Variants in PARD3B observed in about 807,000 individuals in gnomAD.
The protein encoded by PARD3B is par-3 family cell polarity regulator beta.
Under a neutral mutation model 130.2 loss-of-function variants are expected in PARD3B, and 103 were observed. That is an observed-to-expected ratio of 0.79 (90% CI 0.67 to 0.93). The LOEUF (loss-of-function observed/expected upper bound fraction) is 0.93, where lower values mean the gene tolerates loss of function less well. PARD3B is among the 40% of genes least tolerant of loss of function. The probability of loss-of-function intolerance (pLI) is 0.00; values close to 1 mark genes in which losing one functional copy is unlikely to be tolerated. For missense variants in PARD3B, 1,609 were observed against 1,499.2 expected (o/e 1.07, Z -1.21); for synonymous variants, 583 against 553.2 (o/e 1.05, Z -0.76).
At chr2:204,866,584 A>T (rs924073606) in intron 2 of PARD3B, among the ~76,000 whole-genome samples, 3 of 152,132 alleles carry the variant, frequency 2.0e-5, no homozygotes, top group African/African-American at 7.2e-5. Flanking sequence ...CAACAAAAAA[A>T]TACAGTCAAA....
chr2:204,901,067 G>A (rs909639968), intron 2 of PARD3B, among the ~76,000 whole-genome samples: 5 of 152,022 alleles, frequency 3.3e-5, no homozygotes, highest in African/African-American at 1.2e-4. Context: ...CTGGGACTGC[G>A]CTGGGTCTTG....
At chr2:204,622,925 T>C (rs1236571291) in intron 1 of PARD3B, among the ~76,000 whole-genome samples, 1 of 152,170 alleles carries the variant, frequency 6.6e-6, no homozygotes, top group Non-Finnish European at 1.5e-5. Flanking sequence ...ATAAGTTCTG[T>C]TAAAGTAAGT....
intron 2 of PARD3B, among the ~76,000 whole-genome samples, chr2:204,771,857 T>C (rs2041401794): frequency 6.6e-6 from 1 of 152,004 alleles, no homozygotes; most frequent in African/African-American, 2.4e-5. Context: ...ACTTTAAAAA[T>C]TATTGATCAC....
chr2:204,903,766 C>T (rs1047656646), intron 2 of PARD3B, among the ~76,000 whole-genome samples: 1 of 152,004 alleles, frequency 6.6e-6, no homozygotes, highest in Admixed American at 6.5e-5. Flanking sequence ...TTTATTTTTG[C>T]CTCTAACTAT....
chr2:204,663,913 T>C (rs1425311544), intron 1 of PARD3B, among the ~76,000 whole-genome samples: 1 of 152,258 alleles, frequency 6.6e-6, no homozygotes, highest in African/African-American at 2.4e-5. Context: ...GTTTTTGGCA[T>C]GTGTGCATTC....
At chr2:204,808,883 T>G (rs2042866306) in intron 2 of PARD3B, among the ~76,000 whole-genome samples, 1 of 152,014 alleles carries the variant, frequency 6.6e-6, no homozygotes, top group Non-Finnish European at 1.5e-5. Context: ...GCAGTTGTGT[T>G]TTTAGATTTT....
At chr2:205,204,050 C>T (rs1480239753) in intron 15 of PARD3B, among the ~76,000 whole-genome samples, 2 of 152,224 alleles carry the variant, frequency 1.3e-5, no homozygotes, top group African/African-American at 2.4e-5. Flanking sequence ...AATGGCTGAA[C>T]TAATTTATAC....
chr2:205,529,052 A>G (rs995377567), intron 21 of PARD3B, among the ~76,000 whole-genome samples: 4 of 152,186 alleles, frequency 2.6e-5, no homozygotes, highest in Admixed American at 2.6e-4. Flanking sequence ...AACTTCCAAC[A>G]TATTTTAATG....
At chr2:205,435,003 G>A (rs575609507) in intron 19 of PARD3B, among the ~76,000 whole-genome samples, 184 of 152,074 alleles carry the variant, frequency 1.2e-3, no homozygotes, top group African/African-American at 3.9e-3. Context: ...TCAAACTTTA[G>A]CATTATGCAG....
intron 18 of PARD3B, among the ~76,000 whole-genome samples, chr2:205,360,950 C>T (rs1483785498): frequency 6.6e-6 from 1 of 152,044 alleles, no homozygotes; most frequent in African/African-American, 2.4e-5. Flanking sequence ...TGATAGTTCT[C>T]CCTTTCTAAT....
intron 2 of PARD3B, among the ~76,000 whole-genome samples, chr2:204,928,433 G>T (rs1193073058): frequency 6.6e-6 from 1 of 152,124 alleles, no homozygotes; most frequent in Non-Finnish European, 1.5e-5. Flanking sequence ...CCATTGCAAA[G>T]GGAAAGACTA....
At chr2:205,199,934 T>G (rs73059269) in intron 15 of PARD3B, among the ~76,000 whole-genome samples, 481 of 151,674 alleles carry the variant, frequency 3.2e-3, no homozygotes, top group African/African-American at 0.011. Context: ...CAACTGGTAA[T>G]CTCAATGCTG....
intron 21 of PARD3B, among the ~76,000 whole-genome samples, chr2:205,513,715 C>G (rs925570192): frequency 6.6e-6 from 1 of 152,046 alleles, no homozygotes; most frequent in African/African-American, 2.4e-5. Flanking sequence ...CAGTGGCAAC[C>G]TTTTGCCAGA....
intron 1 of PARD3B, among the ~76,000 whole-genome samples, chr2:204,637,599 T>TA (rs549614042): frequency 1.4e-4 from 21 of 152,360 alleles, no homozygotes; most frequent in South Asian, 1.2e-3. Flanking sequence ...ATTATTTCTT[T>TA]AAAATCCCAG....
chr2:205,380,362 A>C (rs1210632717), intron 18 of PARD3B, among the ~76,000 whole-genome samples: 2 of 26,552 alleles, frequency 7.5e-5, no homozygotes, highest in African/African-American at 3.3e-4. Context: ...ATAATATATA[A>C]AGAATATATA....
chr2:204,660,521 A>G (rs1200537675), intron 1 of PARD3B, among the ~76,000 whole-genome samples: 2 of 152,188 alleles, frequency 1.3e-5, no homozygotes, highest in East Asian at 3.9e-4. Flanking sequence ...AGTTGCTAAT[A>G]TACTGTTCTG....
At chr2:204,782,515 T>G (rs1410818806) in intron 2 of PARD3B, among the ~76,000 whole-genome samples, 1 of 150,126 alleles carries the variant, frequency 6.7e-6, no homozygotes, top group African/African-American at 2.4e-5. Context: ...TTATATAGTA[T>G]GTATGTAATC....
intron 18 of PARD3B, among the ~76,000 whole-genome samples, chr2:205,391,207 G>A (rs1000907120): frequency 1.6e-4 from 25 of 152,328 alleles, no homozygotes; most frequent in African/African-American, 7.2e-5. Flanking sequence ...TCGGGTTTCC[G>A]GGGCAAAGGA....
At chr2:204,998,510 A>AATATATGTATATATATGTGTATATG (rs56069399) in intron 3 of PARD3B, among the ~76,000 whole-genome samples, 1 of 31,048 alleles carries the variant, frequency 3.2e-5, no homozygotes, top group Non-Finnish European at 8.6e-5. Flanking sequence ...ATGTGTATAT[A>AATATATGTATATATATGTGTATATG]TATATGTGTG....
Sources: allele counts gnomAD v4.1 joint callset (sites outside exome capture counted in the v4.1 genomes callset), GRCh38; gene constraint gnomAD v4.1.1; transcripts MANE v1.5; gene names NCBI Gene and HGNC (gene_info 2026-07-23, HGNC 2026-07-21).